TBC1D2B: variants seen among roughly 807,000 people sequenced by gnomAD.
The protein encoded by TBC1D2B is TBC1 domain family member 2B, also known as TBC1 domain family, member 2B.
Under a neutral mutation model 100.8 loss-of-function variants are expected in TBC1D2B, and 64 were observed. The observed-to-expected ratio is 0.64, with a 90% CI of 0.52 to 0.78. TBC1D2B has a LOEUF of 0.78. TBC1D2B is among the 30% of genes least tolerant of loss of function. The probability of loss-of-function intolerance (pLI) is 0.00; values close to 1 mark genes in which losing one functional copy is unlikely to be tolerated. For synonymous variants in TBC1D2B, 480 were observed against 479.7 expected (o/e 1.00, Z -0.01); for missense variants, 1,052 against 1,218.4 (o/e 0.86, Z 2.03).
At chr15:78,014,012 G>A (rs1477704955) in intron 8 of TBC1D2B, among the ~76,000 whole-genome samples, 4 of 152,318 alleles carry the variant, frequency 2.6e-5, no homozygotes, top group South Asian at 2.1e-4. Flanking sequence ...CTGCTGCCCC[G>A]AAGATGGGAA....
intron 10 of TBC1D2B, among the ~76,000 whole-genome samples, chr15:78,004,749 T>C (rs969725874): frequency 3.1e-4 from 47 of 152,226 alleles, no homozygotes; most frequent in Admixed American, 2.9e-3. Flanking sequence ...TCTCTATCCA[T>C]AGTGTAAAAA....
chr15:78,013,269 T>C lies in TBC1D2B; in HGVS notation c.1824A>G (p.Glu608=). Residue 608 remains glutamate, a synonymous_variant, in exon 9 of 13, where the codon GAA becomes GAG. Coordinates refer to ENST00000300584, the MANE Select transcript of TBC1D2B (RefSeq NM_144572.2). ...GFRTVPEDDE[E]EKLVAKVRAL... is the part of the protein sequence containing the mutation. ...CGCGGACCTTGGCAACCAATTTCTC[T>C]TCCTCATCATCCTCAGGTACAGTCC... 1 of 1,613,894 alleles carries C rather than the reference T, an allele frequency of 6.2e-7. No individual in the cohort carries two copies. The highest frequency in any genetic ancestry group is 8.5e-7 in the Non-Finnish European group (1 of 1,179,808).
At chr15:78,019,987 A>G (rs1462194324) in intron 6 of TBC1D2B, among the ~76,000 whole-genome samples, 2 of 151,922 alleles carry the variant, frequency 1.3e-5, no homozygotes, top group Non-Finnish European at 2.9e-5. Flanking sequence ...ACTCCTGGGC[A>G]TAAGTGATCC....
At chr15:78,031,511 C>T (rs1403279092) in intron 3 of TBC1D2B, among the ~76,000 whole-genome samples, 1 of 137,996 alleles carries the variant, frequency 7.2e-6, no homozygotes, top group East Asian at 2.2e-4. Context: ...AAGAGATCAC[C>T]CCACTGCACT....
chr15:78,008,437 G>T (rs1324017675), intron 10 of TBC1D2B, among the ~76,000 whole-genome samples: 1 of 152,222 alleles, frequency 6.6e-6, no homozygotes, highest in Non-Finnish European at 1.5e-5. Context: ...CAGGTGCCTT[G>T]GTCACTGCCC....
chr15:78,077,280 C>T lies in TBC1D2B; in HGVS notation c.360+13G>A. 9 of 1,454,624 alleles carry T rather than the reference C, an allele frequency of 6.2e-6. No individual in the cohort carries two copies. The highest frequency in any genetic ancestry group is 8.1e-6 in the Non-Finnish European group (9 of 1,106,692). The allele number at this position is 1,454,624 out of a possible 1,614,324, so 90.1% of individuals were successfully genotyped here. On this transcript the variant is annotated intron_variant, in intron 1 of 12. Transcript: ENST00000300584. The stretch of plus-strand genomic sequence containing the variant: ...CGGAAGCGCGCGGGCGGCTTTGGGG[C>T]GAGCGGTCCCACCTTGAGCACCGTG...
chr15:78,062,856 C>T lies in TBC1D2B; in HGVS notation c.361-8669G>A, dbSNP rs186385226. Among the ~76,000 whole-genome samples, 233 of 152,318 alleles carry T rather than the reference C, an allele frequency of 1.5e-3. 1 individual carries two copies. The highest frequency in any genetic ancestry group is 5.4e-3 in the African/African-American group (224 of 41,562). On this transcript the variant is annotated intron_variant, in intron 1 of 12. Coordinates refer to ENST00000300584, the MANE Select transcript of TBC1D2B (RefSeq NM_144572.2). Reference sequence around the variant, plus strand: ...TTTAACCCTCGTAACTAACTCTCCCCAAACAGTATCATCTGCTTGCCCATG... The same window carrying T: ...TTTAACCCTCGTAACTAACTCTCCCTAAACAGTATCATCTGCTTGCCCATG...
Position 78,024,219 on chromosome 15 carries a change from C to A in TBC1D2B, c.1407G>T (p.Val469=), listed in dbSNP as rs2072593306. 1 of 1,613,926 alleles carries A rather than the reference C, an allele frequency of 6.2e-7. No individual in the cohort carries two copies. The change falls in exon 6 of 13, where the codon GTG becomes GTT. Residue 469 remains valine (V), a synonymous_variant. Transcript: ENST00000300584. ...GCACAACCGAAGGGGAGCTGGGCGC[C>A]ACGGTGGGAGGAGGCCCGTTGCCCT... ...EGEGNGPPPT[V]APSSPSVVPV...
chr15:78,060,529 C>T (rs1481538220), intron 1 of TBC1D2B, among the ~76,000 whole-genome samples: 1 of 151,222 alleles, frequency 6.6e-6, no homozygotes, highest in Non-Finnish European at 1.5e-5. Flanking sequence ...GTAGTACCAG[C>T]TACTCAGGAG....
At chr15:78,067,628 A>G (rs1454332184) in intron 1 of TBC1D2B, among the ~76,000 whole-genome samples, 1 of 152,250 alleles carries the variant, frequency 6.6e-6, no homozygotes, top group Non-Finnish European at 1.5e-5. Flanking sequence ...GTCCCAGCCC[A>G]GGGGCAGTCT....
intron 1 of TBC1D2B, among the ~76,000 whole-genome samples, chr15:78,054,950 TA>T (rs955440165): frequency 1.3e-4 from 20 of 152,070 alleles, no homozygotes; most frequent in African/African-American, 4.3e-4. Flanking sequence ...GAGAAAGGAT[TA>T]AAAAAAACTG....
intron 1 of TBC1D2B, among the ~76,000 whole-genome samples, chr15:78,073,038 A>G (rs1414804000): frequency 3.3e-5 from 5 of 152,222 alleles, no homozygotes; most frequent in African/African-American, 9.6e-5. Flanking sequence ...CCGATCCCCA[A>G]CAAAGTCAAA....
intron 2 of TBC1D2B, among the ~76,000 whole-genome samples, chr15:78,053,538 C>T (rs1460964791): frequency 6.6e-6 from 1 of 152,134 alleles, no homozygotes; most frequent in African/African-American, 2.4e-5. Flanking sequence ...CAGGGATTAC[C>T]CTGAGTTACA....
At chr15:78,038,742 AT>A (rs1251020932) in intron 3 of TBC1D2B, among the ~76,000 whole-genome samples, 1 of 152,174 alleles carries the variant, frequency 6.6e-6, no homozygotes, top group Non-Finnish European at 1.5e-5. Flanking sequence ...TGGACAAGAC[AT>A]TAAAGTTCTC....
At chr15:78,074,974 C>T (rs2044100) in intron 1 of TBC1D2B, among the ~76,000 whole-genome samples, 135,171 of 152,136 alleles carry the variant, frequency 0.89, 60,758 homozygotes, top group East Asian at 0.99. Flanking sequence ...ATGGAAAATG[C>T]GCCAGCCATT....
intron 1 of TBC1D2B, among the ~76,000 whole-genome samples, chr15:78,069,047 T>C (rs1177872730): frequency 2.6e-5 from 4 of 152,186 alleles, no homozygotes; most frequent in Non-Finnish European, 5.9e-5. Context: ...TTACTGTTTG[T>C]ATTTTGTTCT....
intron 1 of TBC1D2B, among the ~76,000 whole-genome samples, chr15:78,073,316 A>C (rs906638003): frequency 1.3e-5 from 2 of 152,248 alleles, no homozygotes; most frequent in Admixed American, 6.5e-5. Flanking sequence ...CAACAAAACC[A>C]CAGCTTCTCC....
chr15:78,024,524 G>C lies in TBC1D2B; in HGVS notation c.1102C>G (p.Leu368Val). Residue 368 changes from leucine (L) to valine (V), a missense_variant, in exon 6 of 13, where the codon CTC becomes GTC. Physicochemically the swap from Leu to Val is conservative, Grantham distance 32 (BLOSUM62 1). Around this residue, in one of 4 missense-constraint regions of TBC1D2B, gnomAD observed 627 missense variants for 646.1 expected, o/e 0.97. Transcript: ENST00000300584. ...LSSQKELVRLLQQTVRSSQYD... is the reference protein window; with the variant it reads ...LSSQKELVRLVQQTVRSSQYD... ...TGGGATGACCGGACTGTCTGCTGGA[G>C]CAGTCGAACAAGCTCCTGGGAGCCA... 6.2e-7 allele frequency: 1 copy of C among 1,610,690 alleles called. No individual in the cohort carries two copies. The highest frequency in any genetic ancestry group is 8.5e-7 in the Non-Finnish European group (1 of 1,177,528).
intron 9 of TBC1D2B, among the ~76,000 whole-genome samples, chr15:78,011,531 T>C (rs1388193357): frequency 1.3e-5 from 2 of 149,226 alleles, no homozygotes; most frequent in South Asian, 2.1e-4. Context: ...AGTGTAGTGG[T>C]GTGATCACAG....
Sources: gnomAD v4.1 joint callset for allele counts (sites outside exome capture counted in the v4.1 genomes callset) on GRCh38, gnomAD v4.1.1 for gene constraint, gnomAD v4.1.1 regional missense constraint, MANE v1.5 for transcripts, NCBI Gene and HGNC (gene_info 2026-07-23, HGNC 2026-07-21) for gene names.